Variants in PSEN1 observed in about 807,000 individuals in gnomAD.
The protein encoded by PSEN1 is presenilin-1.
PSEN1 carries 15 observed loss-of-function variants against 53.5 expected under a neutral mutation model. The observed-to-expected ratio is 0.28, with a 90% CI of 0.19 to 0.43. The LOEUF (loss-of-function observed/expected upper bound fraction) is 0.43. Among genes scored for constraint, PSEN1 ranks in the 20% least tolerant of loss-of-function variants. The pLI, the probability that PSEN1 is intolerant of heterozygous loss-of-function variation, is 1.00. For synonymous variants in PSEN1, 208 were observed against 209.8 expected (o/e 0.99, Z 0.08); for missense variants, 387 against 571.2 (o/e 0.68, Z 3.29).
Position 73,219,184 on chromosome 14 carries a change from A to G in PSEN1, c.1299A>G (p.Pro433=). ...TTGCCATTTTCAAGAAAGCATTGCC[A>G]GCTCTTCCAATCTCCATCACCTTTG... ...LLLAIFKKAL[P]ALPISITFGL... Residue 433 remains proline, a synonymous_variant, in exon 12 of 12, where the codon CCA becomes CCG. Coordinates refer to ENST00000324501, the MANE Select transcript of PSEN1 (RefSeq NM_000021.4). 6.2e-7 allele frequency: 1 copy of G among 1,613,956 alleles called. No homozygotes were observed. The highest frequency in any genetic ancestry group is 8.5e-7 in the Non-Finnish European group (1 of 1,179,804).
At chr14:73,172,820 C>G (rs900552899) in intron 4 of PSEN1, among the ~76,000 whole-genome samples, 38 of 152,322 alleles carry the variant, frequency 2.5e-4, no homozygotes, top group African/African-American at 8.9e-4. Context: ...CTCCTTCTTT[C>G]TTCTTTAGCT....
chr14:73,167,274 T>C (rs1272443524), intron 3 of PSEN1, among the ~76,000 whole-genome samples: 1 of 152,196 alleles, frequency 6.6e-6, no homozygotes, highest in Non-Finnish European at 1.5e-5. Flanking sequence ...TCAGTATCCC[T>C]GATTTGAAAG....
At chr14:73,163,520 A>G (rs1484161432) in intron 3 of PSEN1, among the ~76,000 whole-genome samples, 4 of 152,264 alleles carry the variant, frequency 2.6e-5, no homozygotes, top group African/African-American at 7.2e-5. Context: ...GCAAAGGTCA[A>G]TAACATGTGC....
At chr14:73,170,248 TC>T (rs1897846177) in intron 3 of PSEN1, among the ~76,000 whole-genome samples, 1 of 152,202 alleles carries the variant, frequency 6.6e-6, no homozygotes, top group Non-Finnish European at 1.5e-5. Flanking sequence ...ATGAGCTGTA[TC>T]TTGTGCTGAC....
In PSEN1 at chr14:73,217,025, CTCAT is replaced by C; in HGVS notation, c.1130-95_1130-92del. 4.7e-6 allele frequency: 6 copies of C among 1,272,904 alleles called. No homozygotes were observed. The South Asian group carries it at 4.8e-5, about 10-fold the overall frequency. 78.9% of individuals were successfully genotyped at this position (1,272,904 alleles called of 1,614,324 possible). A position where few individuals can be genotyped will look rare whatever the true frequency, so the allele number is the denominator to read the frequency against. On this transcript the variant is annotated intron_variant, in intron 10 of 11. Transcript: ENST00000324501. ...TTTTGTATATCATTTACTGACTTCT[CTCAT>C]TCATTGTGGGGTTGAGTAGGGCAGT...
rs1882679783 is a variant in PSEN1, at chr14:73,223,248, AG to A, written c.*3960del. On this transcript the variant is annotated 3_prime_UTR_variant, in exon 12 of 12. Transcript: ENST00000324501. ...AATGAACCCCTTTCTTGAACATCAA[AG>A]CTGTCTCCCACAGCCTTGGGCAGCA... is the stretch of plus-strand genomic sequence containing the variant. 1 of 152,238 alleles carries A rather than the reference AG, an allele frequency of 6.6e-6. No homozygotes were observed. Among genetic ancestry groups the A allele is most frequent in the Non-Finnish European group, 1.5e-5 (1 of 68,050 alleles). 9.4% of individuals were successfully genotyped at this position (152,238 alleles called of 1,614,324 possible).
chr14:73,158,352 T>A (rs1897430366), intron 3 of PSEN1, among the ~76,000 whole-genome samples: 1 of 150,560 alleles, frequency 6.6e-6, no homozygotes, highest in South Asian at 2.1e-4. Flanking sequence ...GACGGAGTTT[T>A]GCTCCATCTG....
intron 3 of PSEN1, among the ~76,000 whole-genome samples, chr14:73,169,716 G>A (rs1165447212): frequency 6.7e-6 from 1 of 148,754 alleles, no homozygotes; most frequent in Non-Finnish European, 1.5e-5. Flanking sequence ...CACGATCTCT[G>A]CTCACTGCAG....
chr14:73,178,993 C>T (rs1898125873), intron 5 of PSEN1, among the ~76,000 whole-genome samples: 1 of 152,130 alleles, frequency 6.6e-6, no homozygotes, highest in African/African-American at 2.4e-5. Flanking sequence ...CATATCCATA[C>T]TCACTCACCT....
At chr14:73,189,861 C>A (rs1898651537) in intron 6 of PSEN1, 1 of 237,472 alleles carries the variant, frequency 4.2e-6, no homozygotes, top group South Asian at 5.3e-5. Context: ...TCCAAGAAGC[C>A]CTTGACCTTT....
At chr14:73,162,435 G>A (rs1045414879) in intron 3 of PSEN1, among the ~76,000 whole-genome samples, 1 of 144,378 alleles carries the variant, frequency 6.9e-6, no homozygotes. Flanking sequence ...TCTCTCTCTC[G>A]CTCGCTCGCG....
At chr14:73,157,621 C>T (rs1192542343) in intron 3 of PSEN1, among the ~76,000 whole-genome samples, 1 of 152,112 alleles carries the variant, frequency 6.6e-6, no homozygotes, top group Non-Finnish European at 1.5e-5. Context: ...GTAATCTCTC[C>T]TTCTCCTCCC....
intron 5 of PSEN1, among the ~76,000 whole-genome samples, chr14:73,182,084 A>G (rs1377059059): frequency 6.6e-6 from 1 of 152,174 alleles, no homozygotes; most frequent in African/African-American, 2.4e-5. Context: ...TGAAAGGGAA[A>G]TGTTGGTATT....
chr14:73,186,227 G>A (rs964324740), intron 5 of PSEN1, among the ~76,000 whole-genome samples: 2 of 151,914 alleles, frequency 1.3e-5, no homozygotes, highest in African/African-American at 4.8e-5. Flanking sequence ...TAAAAATACA[G>A]AATTAGCCAG....
At chr14:73,195,193 G>A (rs1182820621) in intron 7 of PSEN1, among the ~76,000 whole-genome samples, 5 of 151,946 alleles carry the variant, frequency 3.3e-5, no homozygotes, top group African/African-American at 1.2e-4. Flanking sequence ...TTTTTTTTGA[G>A]ATAGAGTCTC....
At chr14:73,205,067 C>T (rs767254296) in intron 8 of PSEN1, among the ~76,000 whole-genome samples, 9 of 152,174 alleles carry the variant, frequency 5.9e-5, no homozygotes, top group Non-Finnish European at 1.3e-4. Flanking sequence ...CGTTCAGCTT[C>T]TTTGATTGTG....
At chr14:73,199,626 C>T (rs1899097652) in intron 8 of PSEN1, among the ~76,000 whole-genome samples, 1 of 152,172 alleles carries the variant, frequency 6.6e-6, no homozygotes, top group African/African-American at 2.4e-5. Context: ...AGTAGAATTG[C>T]TAAGTCAAAG....
intron 1 of PSEN1, among the ~76,000 whole-genome samples, chr14:73,139,565 G>A (rs1896857976): frequency 6.6e-6 from 1 of 151,900 alleles, no homozygotes; most frequent in African/African-American, 2.4e-5. Flanking sequence ...GGGCTACAGA[G>A]CGAGACTCCA....
At chr14:73,202,959 G>A (rs1018160367) in intron 8 of PSEN1, among the ~76,000 whole-genome samples, 16 of 152,098 alleles carry the variant, frequency 1.1e-4, no homozygotes, top group Admixed American at 2.0e-4. Flanking sequence ...GAAAATAGGA[G>A]TATAAACCCT....
Sources: allele counts gnomAD v4.1 joint callset (sites outside exome capture counted in the v4.1 genomes callset), GRCh38; gene constraint gnomAD v4.1.1; transcripts MANE v1.5; gene names NCBI Gene and HGNC (gene_info 2026-07-23, HGNC 2026-07-21).